TNS1: variants seen among roughly 807,000 people sequenced by gnomAD.
The protein encoded by TNS1 is tensin-1.
A neutral mutation model predicts 168.6 loss-of-function variants in TNS1; 62 were observed. The ratio of observed to expected loss-of-function variants is 0.37; its 90% confidence interval spans 0.30 to 0.45. The LOEUF (loss-of-function observed/expected upper bound fraction) is 0.45. TNS1 is among the 20% of genes least tolerant of loss of function. The pLI, the probability that TNS1 is intolerant of heterozygous loss-of-function variation, is 1.00. For missense variants in TNS1, 2,240 were observed against 2,339.4 expected (o/e 0.96, Z 0.88); for synonymous variants, 934 against 933.2 (o/e 1.00, Z -0.02).
At chr2:218,018,286 T>G (rs763464589) in intron 1 of TNS1, among the ~76,000 whole-genome samples, 5 of 152,150 alleles carry the variant, frequency 3.3e-5, no homozygotes, top group Non-Finnish European at 7.3e-5. Context: ...ACCCTATTAT[T>G]CCCATACTGT....
intron 30 of TNS1, among the ~76,000 whole-genome samples, chr2:217,809,401 A>G (rs1473973772): frequency 1.3e-3 from 153 of 118,220 alleles, no homozygotes; most frequent in Non-Finnish European, 1.6e-3. Flanking sequence ...GGATGGATGG[A>G]TGGATGGATG....
In TNS1 at chr2:218,001,162, A is replaced by C. The variant is rs562254199; in HGVS notation, c.33+1678T>G. Among the ~76,000 whole-genome samples the C allele has an allele frequency of 2.0e-5, 3 of 146,966 alleles. No individual in the cohort carries two copies. In the South Asian group the frequency reaches 6.8e-4, roughly 33 times the overall value. On this transcript the variant is annotated intron_variant, in intron 1 of 32. Transcript: ENST00000682258. ...AGTGAGACTCCATCTCAATTAAAAA[A>C]AAAATGAATAAATAAAAATAAAGAC...
intron 3 of TNS1, among the ~76,000 whole-genome samples, chr2:217,974,696 G>C (rs1011331641): frequency 6.6e-6 from 1 of 152,188 alleles, no homozygotes; most frequent in Non-Finnish European, 1.5e-5. Flanking sequence ...AAAGGAGAAA[G>C]GTGCCTACTA....
intron 18 of TNS1, among the ~76,000 whole-genome samples, chr2:217,872,407 G>A (rs961462775): frequency 4.6e-5 from 7 of 152,164 alleles, no homozygotes; most frequent in African/African-American, 1.7e-4. Flanking sequence ...GATGTGGATG[G>A]GCAGTTTTCT....
chr2:217,930,038 G>T (rs1428355454), intron 3 of TNS1, among the ~76,000 whole-genome samples: 2 of 152,162 alleles, frequency 1.3e-5, no homozygotes, highest in South Asian at 2.1e-4. Context: ...TCCTAATATG[G>T]CCATCAGGCC....
upstream of TNS1, among the ~76,000 whole-genome samples, chr2:218,013,347 C>T (rs1574481177): frequency 6.6e-6 from 1 of 152,104 alleles, no homozygotes; most frequent in East Asian, 1.9e-4. Flanking sequence ...TGCAAAGCTC[C>T]CCACAGTGGA....
chr2:217,969,312 A>G (rs1268170428), intron 3 of TNS1, among the ~76,000 whole-genome samples: 2 of 152,226 alleles, frequency 1.3e-5, no homozygotes, highest in East Asian at 3.9e-4. Context: ...CATATATAAA[A>G]ATTAACTCAA....
At chr2:217,886,207 G>C in intron 13 of TNS1, 103 bp from the exon 14 acceptor site, 1 of 1,238,606 alleles carries the variant, frequency 8.1e-7, no homozygotes, top group Non-Finnish European at 1.2e-6. Context: ...GGAAGAAATG[G>C]GGGAAGACGG....
chr2:217,931,933 T>C (rs1320447243), intron 3 of TNS1, among the ~76,000 whole-genome samples: 1 of 152,226 alleles, frequency 6.6e-6, no homozygotes, highest in African/African-American at 2.4e-5. Flanking sequence ...TCCTTTCTGA[T>C]GTTTACCTAT....
chr2:217,914,149 C>T (rs548370811), intron 4 of TNS1, among the ~76,000 whole-genome samples: 2 of 152,296 alleles, frequency 1.3e-5, no homozygotes, highest in South Asian at 2.1e-4. Flanking sequence ...CCAACCACCA[C>T]AGCACAAGCA....
rs774970842 is a variant in TNS1, at chr2:217,890,999, C to G, written c.829G>C (p.Asp277His). 7 of 1,614,208 alleles carry G rather than the reference C, an allele frequency of 4.3e-6. No individual in the cohort carries two copies. Among genetic ancestry groups the G allele is most frequent in the Non-Finnish European group, 5.9e-6 (7 of 1,180,046 alleles). ...GGCTGGCCAATGGGCACAATCTTAT[C>G]CTCATAGAACCGCTTCATTGCAAAC... is the stretch of plus-strand genomic sequence containing the variant. ...DRFAMKRFYE[D>H]KIVPIGQPSQ... Residue 277 changes from aspartate to histidine, a missense_variant, in exon 12 of 33, where the codon GAT becomes CAT. Coordinates refer to ENST00000682258, the MANE Select transcript of TNS1 (RefSeq NM_001387777.1).
At chr2:218,030,450 C>T (rs1336553177) in intron 1 of TNS1, among the ~76,000 whole-genome samples, 1 of 152,250 alleles carries the variant, frequency 6.6e-6, no homozygotes, top group Non-Finnish European at 1.5e-5. Flanking sequence ...CCATCTCTCC[C>T]ACTGGATTGA....
intron 7 of TNS1, among the ~76,000 whole-genome samples, 172 bp from the exon 8 acceptor site, chr2:217,898,141 T>C (rs1952522582): frequency 6.6e-6 from 1 of 152,236 alleles, no homozygotes; most frequent in Non-Finnish European, 1.5e-5. Context: ...AAGGCCAATG[T>C]GGCCGGCTTG....
In TNS1 at chr2:218,033,958, G is replaced by A. The variant is rs1024886138; in HGVS notation, c.18C>T (p.Ser6=). Reference sequence around the variant, plus strand: ...GCCGCAGCTCTTCGCAGCACACCAGGCTCACAGTGCAGCCCATCCGGCCTG... The same window carrying A: ...GCCGCAGCTCTTCGCAGCACACCAGACTCACAGTGCAGCCCATCCGGCCTG... Residue 6 remains serine (S), a synonymous_variant, in exon 1 of 2, where the codon AGC becomes AGT. Transcript: ENST00000649572. This position sits in a 1 kb window ranked among gnomAD's most constrained non-coding sequence, Gnocchi z 4.3. Among the ~76,000 whole-genome samples the A allele has an allele frequency of 6.6e-6, 1 of 152,220 alleles. No homozygotes were observed. The highest frequency in any genetic ancestry group is 1.5e-5 in the Non-Finnish European group (1 of 68,030).
chr2:217,998,541 C>T (rs2105971272), intron 1 of TNS1, among the ~76,000 whole-genome samples: 1 of 152,290 alleles, frequency 6.6e-6, no homozygotes, highest in Middle Eastern at 3.4e-3. Context: ...TGCTCTGTCG[C>T]CTGGGCTGGA....
At chr2:217,883,374 C>T (rs1266020615) in intron 16 of TNS1, among the ~76,000 whole-genome samples, 4 of 152,226 alleles carry the variant, frequency 2.6e-5, no homozygotes, top group Admixed American at 2.6e-4. Flanking sequence ...AAGTGATCCT[C>T]CTGCCTCAGC....
chr2:218,004,192 C>A (rs1421816813), upstream of TNS1, among the ~76,000 whole-genome samples: 1 of 152,236 alleles, frequency 6.6e-6, no homozygotes, highest in Non-Finnish European at 1.5e-5. Context: ...CACACACACA[C>A]AAGGACACAG....
intron 30 of TNS1, chr2:217,809,604 GATGGATGGGTGC>G (rs1292221619): frequency 9.0e-5 from 10 of 111,106 alleles, no homozygotes; most frequent in Admixed American, 3.4e-4. Flanking sequence ...TGGATGGATG[GATGGATGGGTGC>G]ATGGATGGGT....
chr2:217,885,243 C>A (rs535905159), intron 15 of TNS1, 79 bp from the exon 16 acceptor site: 7 of 1,585,748 alleles, frequency 4.4e-6, no homozygotes, highest in Non-Finnish European at 5.2e-6. Flanking sequence ...TTATCAGCTC[C>A]GCTGACTGAG....
Sources: allele counts gnomAD v4.1 joint callset (sites outside exome capture counted in the v4.1 genomes callset), GRCh38; gene constraint gnomAD v4.1.1; non-coding constraint Gnocchi (gnomAD v3.1); transcripts MANE v1.5; gene names NCBI Gene and HGNC (gene_info 2026-07-23, HGNC 2026-07-21).